Variants in PPP2R2C observed in about 807,000 individuals in gnomAD.
The protein encoded by PPP2R2C is protein phosphatase 2, regulatory subunit B, gamma.
PPP2R2C carries 10 observed loss-of-function variants against 45.3 expected under a neutral mutation model. The observed-to-expected ratio is 0.22, with a 90% CI of 0.14 to 0.37. PPP2R2C has a LOEUF of 0.37. Among genes scored for constraint, PPP2R2C ranks in the 10% least tolerant of loss-of-function variants. The probability of loss-of-function intolerance (pLI) is 1.00; values close to 1 mark genes in which losing one functional copy is unlikely to be tolerated. For missense variants in PPP2R2C, 308 were observed against 619.7 expected (o/e 0.50, Z 5.34); for synonymous variants, 257 against 245.4 (o/e 1.05, Z -0.44).
intron 1 of PPP2R2C, among the ~76,000 whole-genome samples, chr4:6,424,209 T>C (rs1028169872): frequency 1.3e-5 from 2 of 152,228 alleles, no homozygotes; most frequent in African/African-American, 4.8e-5. Flanking sequence ...ACCAGGCTCC[T>C]AAGCACTCTA....
intron 1 of PPP2R2C, 79 bp from the exon 2 acceptor site, chr4:6,381,173 T>C (rs751077491): frequency 1.3e-6 from 2 of 1,549,994 alleles, no homozygotes; most frequent in African/African-American, 1.4e-5. Flanking sequence ...GCCACAGCAA[T>C]GGCGAGCTCC....
At chr4:6,350,512 G>A (rs1030662126) in intron 5 of PPP2R2C, 37 of 985,322 alleles carry the variant, frequency 3.8e-5, no homozygotes, top group Non-Finnish European at 1.7e-5. Context: ...CCAGGAACGT[G>A]AGTCCCACAG....
chr4:6,507,597 T>G (rs1340761025), intron 2 of PPP2R2C, among the ~76,000 whole-genome samples: 1 of 152,230 alleles, frequency 6.6e-6, no homozygotes, highest in Non-Finnish European at 1.5e-5. Context: ...CCAGGTGAGC[T>G]TCCAGATGAC....
intron 1 of PPP2R2C, among the ~76,000 whole-genome samples, chr4:6,391,412 C>A (rs1716631821): frequency 6.6e-6 from 1 of 152,218 alleles, no homozygotes; most frequent in Admixed American, 6.5e-5. Context: ...ACATTGAATC[C>A]TCTGCACACG....
chr4:6,388,046 C>T (rs138188577), intron 1 of PPP2R2C, among the ~76,000 whole-genome samples: 17 of 152,306 alleles, frequency 1.1e-4, no homozygotes, highest in African/African-American at 4.1e-4. Context: ...GCTGCAGCCT[C>T]GAGCTCAGGG....
At chr4:6,547,362 G>A (rs1725018045) in intron 1 of PPP2R2C, among the ~76,000 whole-genome samples, 1 of 151,806 alleles carries the variant, frequency 6.6e-6, no homozygotes, top group South Asian at 2.1e-4. Context: ...GAGTGTCTCG[G>A]TGAAACCATA....
intron 1 of PPP2R2C, among the ~76,000 whole-genome samples, chr4:6,442,225 G>A (rs759960459): frequency 1.3e-5 from 2 of 152,214 alleles, no homozygotes; most frequent in Admixed American, 6.5e-5. Context: ...CCAGTGGCTG[G>A]CCTGCAGCTC....
At chr4:6,492,426 G>A (rs1722725344) in intron 2 of PPP2R2C, among the ~76,000 whole-genome samples, 1 of 152,162 alleles carries the variant, frequency 6.6e-6, no homozygotes, top group African/African-American at 2.4e-5. Flanking sequence ...TGCTATAAGA[G>A]CCTCCCCCCG....
At chr4:6,459,743 C>A (rs745432292) in intron 1 of PPP2R2C, among the ~76,000 whole-genome samples, 1 of 152,034 alleles carries the variant, frequency 6.6e-6, no homozygotes, top group Admixed American at 6.6e-5. Flanking sequence ...GCCAAGATCA[C>A]GACACTGCAC....
intron 5 of PPP2R2C, among the ~76,000 whole-genome samples, chr4:6,365,804 G>A (rs553644667): frequency 1.3e-5 from 2 of 152,302 alleles, no homozygotes; most frequent in South Asian, 4.2e-4. Context: ...TTGGTGTGAT[G>A]CCAGTTCCCA....
At chr4:6,562,396 G>C (rs1163757966) in intron 1 of PPP2R2C, among the ~76,000 whole-genome samples, 1 of 147,252 alleles carries the variant, frequency 6.8e-6, no homozygotes, top group Non-Finnish European at 1.5e-5. Context: ...CCTCGGGCAA[G>C]TTACTTAACT....
At chr4:6,535,082 G>GGCCAGGGCCCAGGCGGCAGGA (rs1724559201) in intron 2 of PPP2R2C, among the ~76,000 whole-genome samples, 3 of 152,222 alleles carry the variant, frequency 2.0e-5, no homozygotes, top group Non-Finnish European at 4.4e-5. Context: ...GGTGGGGTGG[G>GGCCAGGGCCCAGGCGGCAGGA]GCCAGGGCCC....
At chr4:6,519,525 G>A (rs1398582558) in intron 2 of PPP2R2C, among the ~76,000 whole-genome samples, 1 of 152,240 alleles carries the variant, frequency 6.6e-6, no homozygotes, top group Non-Finnish European at 1.5e-5. Flanking sequence ...TCTGGGCCAT[G>A]CTGCCTCCTG....
chr4:6,521,253 G>A (rs1724012311), intron 2 of PPP2R2C, among the ~76,000 whole-genome samples: 1 of 152,194 alleles, frequency 6.6e-6, no homozygotes, highest in Non-Finnish European at 1.5e-5. Flanking sequence ...TGCTGGTGAG[G>A]GCTTTTGGGG....
intron 1 of PPP2R2C, among the ~76,000 whole-genome samples, chr4:6,447,152 T>A (rs4526050): frequency 0.68 from 103,122 of 151,734 alleles, 35,495 homozygotes; most frequent in Non-Finnish European, 0.75. Flanking sequence ...GCTCTCACTC[T>A]CACCAAGGAG....
At chr4:6,503,908 A>G (rs1723136824) in intron 2 of PPP2R2C, among the ~76,000 whole-genome samples, 1 of 152,200 alleles carries the variant, frequency 6.6e-6, no homozygotes, top group East Asian at 1.9e-4. Flanking sequence ...TCTGGACAAA[A>G]TATAAAAAGT....
chr4:6,351,476 C>T (rs764209802), intron 5 of PPP2R2C, among the ~76,000 whole-genome samples: 1 of 152,114 alleles, frequency 6.6e-6, no homozygotes, highest in Non-Finnish European at 1.5e-5. Context: ...GACACAGAGT[C>T]CCCAAAGGCA....
chr4:6,468,932 A>G (rs879689784), intron 1 of PPP2R2C, among the ~76,000 whole-genome samples: 2 of 151,864 alleles, frequency 1.3e-5, no homozygotes, highest in Non-Finnish European at 1.5e-5. Flanking sequence ...CCAGTGCCCT[A>G]TCAGCTGCAC....
At chr4:6,493,862 C>T (rs1278124577) in intron 2 of PPP2R2C, among the ~76,000 whole-genome samples, 1 of 152,170 alleles carries the variant, frequency 6.6e-6, no homozygotes, top group Non-Finnish European at 1.5e-5. Flanking sequence ...AATCACACAG[C>T]CTCGGTGTAT....
Sources: gnomAD v4.1 joint callset for allele counts (sites outside exome capture counted in the v4.1 genomes callset) on GRCh38, gnomAD v4.1.1 for gene constraint, MANE v1.5 for transcripts, NCBI Gene and HGNC (gene_info 2026-07-23, HGNC 2026-07-21) for gene names.